EXOC3L2: variants seen among roughly 807,000 people sequenced by gnomAD.
The protein encoded by EXOC3L2 is exocyst complex component 3-like protein 2.
A neutral mutation model predicts 44.4 loss-of-function variants in EXOC3L2; 17 were observed. That is an observed-to-expected ratio of 0.38 (90% confidence interval 0.26 to 0.57). The LOEUF (loss-of-function observed/expected upper bound fraction) is 0.57, where lower values mean the gene tolerates loss of function less well. EXOC3L2 is among the 20% of genes least tolerant of loss of function. The pLI is 0.65. For synonymous variants in EXOC3L2, 256 were observed against 253.7 expected (o/e 1.01, Z -0.09); for missense variants, 541 against 588.4 (o/e 0.92, Z 0.83).
chr19:45,224,853 T>A lies in EXOC3L2; in HGVS notation c.1644A>T (p.Ala548=). The part of the protein sequence containing the change: ...GPPESEPARE[A]SASALDHVTR... ...TCACATGGTCCAGAGCACTAGCAGATGCTTCCCGGGCCGGCTCGCTTTCTG... is the reference window on the plus strand; with the variant it reads ...TCACATGGTCCAGAGCACTAGCAGAAGCTTCCCGGGCCGGCTCGCTTTCTG... Residue 548 remains alanine, a synonymous_variant, in exon 8 of 12, where the codon GCA becomes GCT. Transcript: ENST00000413988. 1 of 1,590,394 alleles carries A rather than the reference T, an allele frequency of 6.3e-7. No homozygotes were observed. Among genetic ancestry groups the A allele is most frequent in the Non-Finnish European group, 8.6e-7 (1 of 1,167,680 alleles).
rs1209342315 is a variant in EXOC3L2 at position 45,217,529 on chromosome 19, A to AGCC, written c.1994_1996dup (p.Arg665dup). On this transcript the variant is annotated inframe_insertion and splice_region_variant, in exon 10 of 12. Transcript: ENST00000413988. ...CCCCAACCGCGTCCCGACACTGACC[A>AGCC]GCCGCCGGAACAGCCTCTGCAGTTG... is the stretch of plus-strand genomic sequence containing the variant. The AGCC allele has an allele frequency of 6.3e-7, 1 of 1,576,192 alleles. No homozygotes were observed. The highest frequency in any genetic ancestry group is 8.6e-7 in the Non-Finnish European group (1 of 1,168,394).
Position 45,212,750 on chromosome 19 carries a change from G to A in EXOC3L2, c.*319C>T, listed in dbSNP as rs567303856. On this transcript the variant is annotated 3_prime_UTR_variant, in exon 12 of 12. Coordinates refer to ENST00000413988, the MANE Select transcript of EXOC3L2 (RefSeq NM_001382422.1). Reference sequence around the variant, plus strand: ...GCTGGGACTACAGGCACACACCACCGTGCCCAGCTAATTTTTTATTTTTTG... The same window carrying A: ...GCTGGGACTACAGGCACACACCACCATGCCCAGCTAATTTTTTATTTTTTG... 4.9e-5 allele frequency: 12 copies of A among 244,628 alleles called. No individual in the cohort carries two copies. Among genetic ancestry groups the A allele is most frequent in the Non-Finnish European group, 6.9e-5 (9 of 129,952 alleles). The allele number at this position is 244,628 out of a possible 1,614,324, so 15.2% of individuals were successfully genotyped here.
chr19:45,235,205 G>A (rs1970071542), intron 2 of EXOC3L2, among the ~76,000 whole-genome samples: 1 of 152,154 alleles, frequency 6.6e-6, no homozygotes, highest in African/African-American at 2.4e-5. Context: ...AGAGGCAGGA[G>A]AATCGCTTGA....
chr19:45,227,238 C>T (rs1468957735), intron 7 of EXOC3L2, among the ~76,000 whole-genome samples: 1 of 151,540 alleles, frequency 6.6e-6, no homozygotes, highest in Non-Finnish European at 1.5e-5. Context: ...CTGCCTCAGC[C>T]TCCCGAGTAG....
intron 7 of EXOC3L2, among the ~76,000 whole-genome samples, 174 bp from the exon 8 acceptor site, chr19:45,225,087 G>A (rs917714886): frequency 2.1e-5 from 3 of 145,682 alleles, no homozygotes; most frequent in African/African-American, 7.9e-5. Flanking sequence ...GGTTGGGGGT[G>A]TCTGGGGATT....
At chr19:45,244,348 A>G (rs1158512334) in intron 1 of EXOC3L2, among the ~76,000 whole-genome samples, 5 of 151,848 alleles carry the variant, frequency 3.3e-5, no homozygotes, top group African/African-American at 7.3e-5. Flanking sequence ...TTTCCCTCCA[A>G]TTGAAGTCAA....
At position 45,217,560 on chromosome 19, in the gene EXOC3L2, C is replaced by A. The variant is rs756771513; in HGVS notation, c.1966G>T (p.Ala656Ser). 7 of 1,566,718 alleles carry A rather than the reference C, an allele frequency of 4.5e-6. No homozygotes were observed. The highest frequency in any genetic ancestry group is 6.0e-6 in the Non-Finnish European group (7 of 1,163,444). The change falls in exon 10 of 12, where the codon GCG becomes TCG. Residue 656 changes from alanine (A) to serine (S), a missense_variant. Physicochemically the swap from Ala to Ser is moderately conservative, Grantham distance 99 (BLOSUM62 1). Transcript: ENST00000413988. The stretch of plus-strand genomic sequence containing the variant: ...CGGAACAGCCTCTGCAGTTGCGCCG[C>A]GTCCTCCCGGAGCCTGCCGGCCACG... The part of the protein sequence containing the change: ...SRVAGRLRED[A>S]AQLQRLFRRL...
intron 2 of EXOC3L2, among the ~76,000 whole-genome samples, chr19:45,236,893 T>A (rs1970088875): frequency 6.6e-6 from 1 of 151,432 alleles, no homozygotes; most frequent in Admixed American, 6.6e-5. Context: ...TAATCCCAGC[T>A]ACTCAGGAGG....
At chr19:45,215,012 C>T (rs1434677785) in intron 11 of EXOC3L2, among the ~76,000 whole-genome samples, 3 of 151,488 alleles carry the variant, frequency 2.0e-5, no homozygotes, top group Non-Finnish European at 4.4e-5. Context: ...AAAAATTAGC[C>T]GGGCGTGGTG....
In EXOC3L2 at chr19:45,234,715, G is replaced by C. The variant is rs1970065683; in HGVS notation, c.635C>G (p.Pro212Arg). ...LAPSRGGAPG[P>R]PKAEGAGGGR... ...CCCGCCAGCGCCCTCGGCCTTGGGA[G>C]GCCCAGGCGCGCCGCCCCTCGACGG... The change falls in exon 3 of 12, where the codon CCT becomes CGT. Residue 212 changes from proline to arginine, a missense_variant. By Grantham distance (103) the Pro-to-Arg change is moderately radical. Transcript: ENST00000413988. The surrounding 1 kb of genome is among the most constrained non-coding windows in gnomAD (Gnocchi z 5.0). 1 of 391,294 alleles carries C rather than the reference G, an allele frequency of 2.6e-6. No individual in the cohort carries two copies. The highest frequency in any genetic ancestry group is 4.5e-6 in the Non-Finnish European group (1 of 221,322). 24.2% of individuals were successfully genotyped at this position (391,294 alleles called of 1,614,324 possible).
Position 45,227,974 on chromosome 19 carries a change from C to T in EXOC3L2, c.1472G>A (p.Ser491Asn), listed in dbSNP as rs1969984056. ...AACCTGTGCTCCCAGGTTCCCCTAC[C>T]TCTGCAGGAACTCTGCCAGCCCGCC... ...CLGGLAEFLQSFQQRVERFHE... is the reference protein window; with the variant it reads ...CLGGLAEFLQNFQQRVERFHE... Residue 491 changes from serine (S) to asparagine (N), a missense_variant and splice_region_variant, in exon 6 of 12, where the codon AGC becomes AAC. Coordinates refer to ENST00000413988, the MANE Select transcript of EXOC3L2 (RefSeq NM_001382422.1). 1.2e-6 allele frequency: 2 copies of T among 1,613,434 alleles called. No homozygotes were observed. Among genetic ancestry groups the T allele is most frequent in the African/African-American group, 2.7e-5 (2 of 75,024 alleles).
chr19:45,213,400 C>A (rs754644497), intron 11 of EXOC3L2, 43 bp from the exon 12 acceptor site: 1 of 1,603,926 alleles, frequency 6.2e-7, no homozygotes, highest in East Asian at 2.2e-5. Context: ...ATCCCCAGCT[C>A]TAGACACACA....
At chr19:45,226,747 C>CTTTTTTTTTTTTTTTTTTTTTTTT (rs957385712) in intron 7 of EXOC3L2, among the ~76,000 whole-genome samples, 2 of 90,654 alleles carry the variant, frequency 2.2e-5, no homozygotes, top group African/African-American at 6.1e-5. Context: ...ACTCCCATCT[C>CTTTTTTTTTTTTTTTTTTTTTTTT]TTTTTTTTTT....
chr19:45,217,691 C>T lies in EXOC3L2; in HGVS notation c.1843-8G>A. On this transcript the variant is annotated splice_polypyrimidine_tract_variant and splice_region_variant and intron_variant, in intron 9 of 11. Transcript: ENST00000413988. ...TAGCTCGGCTACCAGCGCCTGGAGG[C>T]GGAGGAGGGAAACCCGAGGGGTGTG... is the stretch of plus-strand genomic sequence containing the variant. The T allele has an allele frequency of 7.2e-7, 1 of 1,397,572 alleles. No homozygotes were observed. Among genetic ancestry groups the T allele is most frequent in the Non-Finnish European group, 9.2e-7 (1 of 1,084,058 alleles). The allele number at this position is 1,397,572 out of a possible 1,614,324, so 86.6% of individuals were successfully genotyped here.
rs1470774106 is a variant in EXOC3L2 at position 45,213,276 on chromosome 19, C to T, written c.2202G>A (p.Arg734=). 1 of 1,613,732 alleles carries T rather than the reference C, an allele frequency of 6.2e-7. No homozygotes were observed. The highest frequency in any genetic ancestry group is 1.7e-5 in the Admixed American group (1 of 59,974). The change falls in exon 12 of 12, where the codon CGG becomes CGA. Residue 734 remains arginine (R), a synonymous_variant. Transcript: ENST00000413988. The part of the protein sequence containing the change: ...AARQEILAVA[R]DLELSEEGAL... Reference sequence around the variant, plus strand: ...CTCCCTCCTCAGAGAGTTCCAGGTCCCGGGCCACGGCCAGGATCTCCTGGC... The same window carrying T: ...CTCCCTCCTCAGAGAGTTCCAGGTCTCGGGCCACGGCCAGGATCTCCTGGC...
At chr19:45,216,526 C>T (rs989490739) in intron 10 of EXOC3L2, 21 of 194,614 alleles carry the variant, frequency 1.1e-4, no homozygotes, top group African/African-American at 2.1e-4. Flanking sequence ...TTACAGTGAG[C>T]GGAGACTGCA....
chr19:45,231,738 T>C, intron 4 of EXOC3L2, 25 bp downstream of exon 4: 1 of 1,587,888 alleles, frequency 6.3e-7, no homozygotes. Context: ...CACCTCCTGC[T>C]TCCAAAATGC....
rs1970017167 is a variant in EXOC3L2, at chr19:45,230,295, T to C, written c.1269+1468A>G. Among the ~76,000 whole-genome samples the C allele has an allele frequency of 2.0e-5, 3 of 152,298 alleles. No homozygotes were observed. The East Asian group carries it at 5.8e-4, about 29-fold the overall frequency. On this transcript the variant is annotated intron_variant, in intron 4 of 11. Coordinates refer to ENST00000413988, the MANE Select transcript of EXOC3L2 (RefSeq NM_001382422.1). ...GTGCAGTGGTGCGATCTCGGCTCAC[T>C]GCAAGCTCCGTCTCCCGGGTTCACG...
intron 1 of EXOC3L2, among the ~76,000 whole-genome samples, chr19:45,240,318 A>G (rs372517227): frequency 2.0e-5 from 3 of 151,428 alleles, no homozygotes; most frequent in Admixed American, 1.3e-4. Context: ...GGGTCTTGCT[A>G]TGTTGCCCAG....
Sources: gnomAD v4.1 joint callset for allele counts (sites outside exome capture counted in the v4.1 genomes callset) on GRCh38, gnomAD v4.1.1 for gene constraint, Gnocchi (gnomAD v3.1) non-coding constraint, MANE v1.5 for transcripts, NCBI Gene and HGNC (gene_info 2026-07-23, HGNC 2026-07-21) for gene names.